Variants in COX7B2 observed in about 807,000 individuals in gnomAD.
The protein encoded by COX7B2 is cytochrome c oxidase subunit 7B2, also known as cytochrome c oxidase subunit 7B2, mitochondrial.
For synonymous variants in COX7B2, 37 were observed against 32.1 expected (o/e 1.15, Z -0.51); for missense variants, 109 against 95.9 (o/e 1.14, Z -0.57).
At chr4:46,831,321 C>T (rs528003112) in intron 2 of COX7B2, among the ~76,000 whole-genome samples, 1 of 152,182 alleles carries the variant, frequency 6.6e-6, no homozygotes, top group Non-Finnish European at 1.5e-5. Flanking sequence ...GAGTGCCCCC[C>T]CAACCTCCCA....
At chr4:46,785,025 A>C (rs2109565051) in intron 2 of COX7B2, among the ~76,000 whole-genome samples, 1 of 152,374 alleles carries the variant, frequency 6.6e-6, no homozygotes, top group African/African-American at 2.4e-5. Context: ...ATGAAATTAC[A>C]AAGAAAATAT....
At chr4:46,830,719 T>C (rs538087570) in intron 2 of COX7B2, among the ~76,000 whole-genome samples, 44 of 152,356 alleles carry the variant, frequency 2.9e-4, no homozygotes, top group African/African-American at 8.9e-4. Flanking sequence ...CATATAAGCC[T>C]AGTAAGAGCA....
At chr4:46,793,269 T>C (rs1275694427) in intron 2 of COX7B2, among the ~76,000 whole-genome samples, 1 of 151,564 alleles carries the variant, frequency 6.6e-6, no homozygotes, top group Non-Finnish European at 1.5e-5. Context: ...AGGGGGGTTA[T>C]CTCCAGACTG....
At chr4:46,876,438 C>T (rs1718340545) in intron 1 of COX7B2, among the ~76,000 whole-genome samples, 1 of 142,344 alleles carries the variant, frequency 7.0e-6, no homozygotes, top group Non-Finnish European at 1.5e-5. Flanking sequence ...AGGAGTCTCG[C>T]TATGTCGCCC....
intron 1 of COX7B2, among the ~76,000 whole-genome samples, chr4:46,908,004 C>T (rs1006004211): frequency 4.0e-5 from 6 of 151,826 alleles, no homozygotes; most frequent in African/African-American, 7.3e-5. Flanking sequence ...CAGGCGCGTG[C>T]GACCACGCCT....
At chr4:46,825,596 C>T (rs1334289926) in intron 2 of COX7B2, among the ~76,000 whole-genome samples, 1 of 152,092 alleles carries the variant, frequency 6.6e-6, no homozygotes, top group Non-Finnish European at 1.5e-5. Flanking sequence ...GCAAAAGGAA[C>T]AAAGCTGGAG....
chr4:46,754,149 G>T (rs534501518), intron 2 of COX7B2, among the ~76,000 whole-genome samples: 1 of 152,218 alleles, frequency 6.6e-6, no homozygotes, highest in South Asian at 2.1e-4. Context: ...GTGGAAGTCA[G>T]TGTGGCGATT....
rs527593109 is a variant in COX7B2 at position 46,846,421 on chromosome 4, T to G, written c.-104-1407A>C. Among the ~76,000 whole-genome samples, 13 of 151,968 alleles carry G rather than the reference T, an allele frequency of 8.6e-5. No individual in the cohort carries two copies. The East Asian group carries it at 1.8e-3, about 21-fold the overall frequency. ...GAAGGGAGAGCAGTATAAAGGACACTTGGAACACAGGAAGGAAAAAAAATA... is the reference window on the plus strand; with the variant it reads ...GAAGGGAGAGCAGTATAAAGGACACGTGGAACACAGGAAGGAAAAAAAATA... On this transcript the variant is annotated intron_variant, in intron 1 of 2. Coordinates refer to ENST00000355591, the MANE Select transcript of COX7B2 (RefSeq NM_130902.3).
At chr4:46,896,115 C>T (rs1719740555) in intron 1 of COX7B2, among the ~76,000 whole-genome samples, 1 of 152,132 alleles carries the variant, frequency 6.6e-6, no homozygotes, top group African/African-American at 2.4e-5. Context: ...TCACTGGCCT[C>T]TTGTTATATA....
intron 2 of COX7B2, among the ~76,000 whole-genome samples, chr4:46,745,801 G>GC (rs1304778992): frequency 6.6e-6 from 1 of 152,100 alleles, no homozygotes; most frequent in Non-Finnish European, 1.5e-5. Flanking sequence ...CTAAAAACAT[G>GC]CAACAAAAAA....
chr4:46,738,091 A>G (rs1714476163), intron 2 of COX7B2, among the ~76,000 whole-genome samples: 1 of 152,172 alleles, frequency 6.6e-6, no homozygotes, highest in African/African-American at 2.4e-5. Context: ...TGACAGGTGC[A>G]GCCTTAATCC....
At chr4:46,782,818 A>G (rs1170174718) in intron 2 of COX7B2, among the ~76,000 whole-genome samples, 1 of 152,198 alleles carries the variant, frequency 6.6e-6, no homozygotes, top group Non-Finnish European at 1.5e-5. Context: ...TACTGAAGTC[A>G]GCGAGACCAC....
At chr4:46,830,829 C>G (rs994084112) in intron 2 of COX7B2, among the ~76,000 whole-genome samples, 1 of 152,250 alleles carries the variant, frequency 6.6e-6, no homozygotes, top group Non-Finnish European at 1.5e-5. Flanking sequence ...AATGTACAGT[C>G]ATCTCACAAG....
chr4:46,828,390 A>G (rs1560406517), intron 2 of COX7B2, among the ~76,000 whole-genome samples: 1 of 152,214 alleles, frequency 6.6e-6, no homozygotes, highest in Non-Finnish European at 1.5e-5. Context: ...TCAAATTAAC[A>G]AAATTCAGAA....
chr4:46,802,831 T>C (rs1011245470), intron 2 of COX7B2, among the ~76,000 whole-genome samples: 1 of 152,170 alleles, frequency 6.6e-6, no homozygotes, highest in Non-Finnish European at 1.5e-5. Context: ...ATGAAGTTAC[T>C]GGAACTTTAG....
At chr4:46,884,988 T>A (rs1425953942) in intron 1 of COX7B2, among the ~76,000 whole-genome samples, 1 of 152,154 alleles carries the variant, frequency 6.6e-6, no homozygotes, top group East Asian at 1.9e-4. Flanking sequence ...TAAACTTGTT[T>A]GTAATTTTTC....
chr4:46,868,552 G>A (rs1027569338), intron 1 of COX7B2, among the ~76,000 whole-genome samples: 3 of 152,160 alleles, frequency 2.0e-5, no homozygotes, highest in African/African-American at 7.2e-5. Flanking sequence ...GTGTCCCAGA[G>A]ATTCTGGTAT....
intron 2 of COX7B2, among the ~76,000 whole-genome samples, chr4:46,754,720 G>A (rs182390346): frequency 0.13 from 4,198 of 31,684 alleles, 171 homozygotes; most frequent in South Asian, 0.2. Flanking sequence ...GTGTGTGTGT[G>A]TGTGTGTGTA....
At chr4:46,841,333 C>CGCTGTGTGTG (rs1553891997) in intron 2 of COX7B2, among the ~76,000 whole-genome samples, 5 of 112,924 alleles carry the variant, frequency 4.4e-5, no homozygotes, top group Non-Finnish European at 7.7e-5. Context: ...ACCAAATGTG[C>CGCTGTGTGTG]TCTGTGTGTG....
Sources: gnomAD v4.1 joint callset for allele counts (sites outside exome capture counted in the v4.1 genomes callset) on GRCh38, gnomAD v4.1.1 for gene constraint, MANE v1.5 for transcripts, NCBI Gene and HGNC (gene_info 2026-07-23, HGNC 2026-07-21) for gene names.